ARHGAP6: variants seen among roughly 807,000 people sequenced by gnomAD.
The protein encoded by ARHGAP6 is Rho GTPase activating protein 6, also known as rho GTPase-activating protein 6.
In ARHGAP6, 16 loss-of-function variants were observed where a neutral mutation model predicts 55.7. The ratio of observed to expected loss-of-function variants is 0.29; its 90% CI spans 0.19 to 0.44. ARHGAP6 has a LOEUF of 0.44. Among genes scored for constraint, ARHGAP6 ranks in the 20% least tolerant of loss-of-function variants. The pLI is 1.00. For missense variants in ARHGAP6, 698 were observed against 808.9 expected (o/e 0.86, Z 1.66); for synonymous variants, 382 against 360.9 (o/e 1.06, Z -0.66).
Position 11,280,898 on chromosome X carries a change from C to CA in ARHGAP6, c.589-26192dup, listed in dbSNP as rs746584577. Reference sequence around the variant, plus strand: ...TTCACTTCAGTACAATATCTGATAGCAAAAAAACCCAGTCACCAATAAAAA... The same window carrying CA: ...TTCACTTCAGTACAATATCTGATAGCAAAAAAAACCCAGTCACCAATAAAAA... On this transcript the variant is annotated intron_variant, in intron 1 of 12. Transcript: ENST00000337414. Among the ~76,000 whole-genome samples, 14 of 110,796 alleles carry CA rather than the reference C, an allele frequency of 1.3e-4. No homozygotes were observed. In the South Asian group the frequency reaches 4.9e-3, roughly 39 times the overall value.
At chrX:11,245,666 G>C (rs2047343156) in intron 2 of ARHGAP6, among the ~76,000 whole-genome samples, 1 of 111,846 alleles carries the variant, frequency 8.9e-6, no homozygotes, top group Non-Finnish European at 1.9e-5. Flanking sequence ...AACATATTTT[G>C]AAAATGAAAG....
chrX:11,219,802 G>A (rs1237406887), intron 2 of ARHGAP6, among the ~76,000 whole-genome samples: 4 of 97,667 alleles, frequency 4.1e-5, no homozygotes, highest in African/African-American at 1.5e-4. Flanking sequence ...TTTGTCAGAT[G>A]AGTAGGTTGC....
At chrX:11,318,313 A>T (rs1408420810) in intron 1 of ARHGAP6, among the ~76,000 whole-genome samples, 3 of 112,369 alleles carry the variant, frequency 2.7e-5, no homozygotes, top group South Asian at 7.3e-4. Context: ...ATATATACAT[A>T]TAAATCTGCA....
rs565943916 is a variant in ARHGAP6, at chrX:11,571,709, A to AAATAATAATAATAATAAT, written c.588+92514_588+92531dup. Among the ~76,000 whole-genome samples, 611 of 95,762 alleles carry AAATAATAATAATAATAAT rather than the reference A, an allele frequency of 6.4e-3. 3 individuals are homozygous for AAATAATAATAATAATAAT. Among genetic ancestry groups the AAATAATAATAATAATAAT allele is most frequent in the Middle Eastern group, 0.015 (3 of 195 alleles). The allele number at this position is 95,762 out of a possible 115,157, so 83.2% of individuals were successfully genotyped here. ...GCAACTTAGGGAGACCTTGTATATT[A>AAATAATAATAATAATAAT]AATAATAATAATAATAATAATAATA... On this transcript the variant is annotated intron_variant, in intron 1 of 12. Transcript: ENST00000337414.
chrX:11,163,995 G>C (rs2045984162), intron 9 of ARHGAP6, among the ~76,000 whole-genome samples: 1 of 112,728 alleles, frequency 8.9e-6, no homozygotes, highest in Admixed American at 9.3e-5. Context: ...CAGTACACAT[G>C]TTCTGTCTTT....
At chrX:11,431,759 A>G (rs2049942539) in intron 1 of ARHGAP6, among the ~76,000 whole-genome samples, 1 of 112,527 alleles carries the variant, frequency 8.9e-6, no homozygotes. Context: ...GTTACAAAAC[A>G]TTCACCTGTC....
At chrX:11,584,005 C>A (rs986478795) in intron 1 of ARHGAP6, among the ~76,000 whole-genome samples, 1 of 111,563 alleles carries the variant, frequency 9.0e-6, no homozygotes, top group African/African-American at 3.3e-5. Flanking sequence ...TTCTTTAAAG[C>A]CTTAAATACG....
chrX:11,417,105 T>C lies in ARHGAP6; in HGVS notation c.589-162398A>G, dbSNP rs867233664. Among the ~76,000 whole-genome samples the C allele has an allele frequency of 7.3e-3, 555 of 75,787 alleles. 5 individuals carry two copies. The highest frequency in any genetic ancestry group is 0.022 in the African/African-American group (420 of 18,698). The allele number at this position is 75,787 out of a possible 115,157, so 65.8% of individuals were successfully genotyped here. The stretch of plus-strand genomic sequence containing the variant: ...ATATATATATATATATATATATATA[T>C]ACACATACATATATATGCATTGCTG... On this transcript the variant is annotated intron_variant, in intron 1 of 12. Transcript: ENST00000337414.
intron 1 of ARHGAP6, among the ~76,000 whole-genome samples, chrX:11,535,155 A>T (rs2051089669): frequency 9.0e-6 from 1 of 111,528 alleles, no homozygotes; most frequent in African/African-American, 3.3e-5. Context: ...CAGTTCCTCC[A>T]CCATGGCCAC....
rs73499101 is a variant in ARHGAP6 at position 11,563,963 on chromosome X, G to T, written c.588+100278C>A. Among the ~76,000 whole-genome samples the T allele has an allele frequency of 7.4e-3, 821 of 111,019 alleles. 9 individuals are homozygous for T. The highest frequency in any genetic ancestry group is 0.025 in the African/African-American group (779 of 30,609). ...AGATCTAAAGCATTGTGTGTTAAAG[G>T]TCACAAAGAGAGGCAGCCTCTAAAA... On this transcript the variant is annotated intron_variant, in intron 1 of 12. Coordinates refer to ENST00000337414, the MANE Select transcript of ARHGAP6 (RefSeq NM_013427.3).
At chrX:11,588,720 T>G (rs2051766375) in intron 1 of ARHGAP6, among the ~76,000 whole-genome samples, 1 of 111,836 alleles carries the variant, frequency 8.9e-6, no homozygotes, top group South Asian at 3.7e-4. Flanking sequence ...AACAGATCAA[T>G]CCATAGAGAC....
At chrX:11,344,510 T>TA (rs2048747832) in intron 1 of ARHGAP6, among the ~76,000 whole-genome samples, 1 of 106,746 alleles carries the variant, frequency 9.4e-6, no homozygotes, top group African/African-American at 3.4e-5. Context: ...CCATCTCTAC[T>TA]AAAAAAATAC....
chrX:11,422,655 G>T (rs1328681671), intron 1 of ARHGAP6, among the ~76,000 whole-genome samples: 4 of 112,363 alleles, frequency 3.6e-5, no homozygotes, highest in Non-Finnish European at 5.6e-5. Flanking sequence ...TTGTATGACT[G>T]GACAATAATT....
chrX:11,190,997 G>C (rs1294557012), intron 3 of ARHGAP6, among the ~76,000 whole-genome samples: 1 of 112,483 alleles, frequency 8.9e-6, no homozygotes, highest in Non-Finnish European at 1.9e-5. Context: ...GCCTCTCCCT[G>C]GTTCCCATGC....
intron 2 of ARHGAP6, among the ~76,000 whole-genome samples, chrX:11,218,442 G>A (rs1242371327): frequency 9.0e-6 from 1 of 111,466 alleles, no homozygotes; most frequent in Non-Finnish European, 1.9e-5. Flanking sequence ...TTGTGTCTCT[G>A]CCAGGTTTTG....
At chrX:11,354,336 T>TA (rs2048907485) in intron 1 of ARHGAP6, among the ~76,000 whole-genome samples, 2 of 88,280 alleles carry the variant, frequency 2.3e-5, no homozygotes, top group East Asian at 6.8e-4. Context: ...TCTATATATA[T>TA]ATATATATAT....
At chrX:11,520,166 TATATATATATA>T (rs2050901917) in intron 1 of ARHGAP6, among the ~76,000 whole-genome samples, 1 of 77,878 alleles carries the variant, frequency 1.3e-5, no homozygotes, top group Non-Finnish European at 2.5e-5. Context: ...TATATATATA[TATATATATATA>T]TTACTTTAAG....
chrX:11,349,822 A>G (rs761730378), intron 1 of ARHGAP6, among the ~76,000 whole-genome samples: 2 of 111,887 alleles, frequency 1.8e-5, no homozygotes, highest in East Asian at 5.6e-4. Context: ...TTGTATTTCT[A>G]CTTAGGCCTG....
intron 10 of ARHGAP6, among the ~76,000 whole-genome samples, chrX:11,148,017 C>T (rs1262453224): frequency 8.9e-6 from 1 of 111,999 alleles, no homozygotes; most frequent in East Asian, 2.8e-4. Context: ...AAACCAGTTC[C>T]AATTGGCAGC....
Sources: allele counts gnomAD v4.1 joint callset (sites outside exome capture counted in the v4.1 genomes callset), GRCh38; gene constraint gnomAD v4.1.1; transcripts MANE v1.5; gene names NCBI Gene and HGNC (gene_info 2026-07-23, HGNC 2026-07-21).